The following THSD7B variants were observed in gnomAD, a reference collection of about 807,000 sequenced individuals.
THSD7B encodes thrombospondin type-1 domain-containing protein 7B.
In THSD7B, 138 loss-of-function variants were observed where a neutral mutation model predicts 213.6. The ratio of observed to expected loss-of-function variants is 0.65; its 90% CI spans 0.56 to 0.74. THSD7B has a LOEUF of 0.74. Among genes scored for constraint, THSD7B ranks in the 30% least tolerant of loss-of-function variants. The pLI is 0.00. For missense variants in THSD7B, 1,931 were observed against 1,991.5 expected (o/e 0.97, Z 0.58); for synonymous variants, 742 against 687.0 (o/e 1.08, Z -1.25).
At chr2:137,134,434 G>GGGTAC (rs1688795021) in intron 5 of THSD7B, among the ~76,000 whole-genome samples, 1 of 152,144 alleles carries the variant, frequency 6.6e-6, no homozygotes, top group African/African-American at 2.4e-5. Context: ...GGGACGAAAG[G>GGGTAC]GGTACTCTGT....
intron 2 of THSD7B, among the ~76,000 whole-genome samples, chr2:136,940,420 C>T (rs1684800838): frequency 6.6e-6 from 1 of 151,986 alleles, no homozygotes; most frequent in Non-Finnish European, 1.5e-5. Flanking sequence ...TGTTGATGGA[C>T]CCTAAGCTCT....
chr2:136,828,251 A>G (rs1297807332), intron 1 of THSD7B, among the ~76,000 whole-genome samples: 1 of 152,034 alleles, frequency 6.6e-6, no homozygotes, highest in Non-Finnish European at 1.5e-5. Flanking sequence ...AGCCTTTTCT[A>G]TGTTTCTTTC....
At chr2:137,097,117 T>C (rs1326069654) in intron 4 of THSD7B, among the ~76,000 whole-genome samples, 2 of 152,218 alleles carry the variant, frequency 1.3e-5, no homozygotes, top group Non-Finnish European at 2.9e-5. Context: ...CTGGGTTTCA[T>C]GATGACCTTG....
chr2:137,350,291 A>G (rs1007281279), intron 12 of THSD7B, among the ~76,000 whole-genome samples: 1 of 151,964 alleles, frequency 6.6e-6, no homozygotes, highest in Non-Finnish European at 1.5e-5. Flanking sequence ...AAATATATTA[A>G]TAATTGAGCC....
chr2:137,464,698 T>G (rs1181251817), intron 15 of THSD7B, among the ~76,000 whole-genome samples: 1 of 152,140 alleles, frequency 6.6e-6, no homozygotes, highest in Non-Finnish European at 1.5e-5. Flanking sequence ...GAAAAGTTGC[T>G]ATTAGTATTA....
chr2:136,837,791 T>C (rs1185094486), intron 1 of THSD7B, among the ~76,000 whole-genome samples: 1 of 152,206 alleles, frequency 6.6e-6, no homozygotes, highest in Non-Finnish European at 1.5e-5. Context: ...TTTTCATCTT[T>C]GATGGTTTAA....
chr2:136,867,506 T>G (rs970771871), intron 1 of THSD7B, among the ~76,000 whole-genome samples: 2 of 152,192 alleles, frequency 1.3e-5, no homozygotes, highest in African/African-American at 4.8e-5. Context: ...TAAAATACTT[T>G]CCATAGTGAA....
At chr2:136,947,711 G>T (rs1357033109) in intron 2 of THSD7B, among the ~76,000 whole-genome samples, 1 of 152,190 alleles carries the variant, frequency 6.6e-6, no homozygotes. Context: ...ATTCTAAGGT[G>T]CATATAAAGT....
intron 9 of THSD7B, among the ~76,000 whole-genome samples, 187 bp downstream of exon 9, chr2:137,233,320 A>G (rs1158675965): frequency 6.6e-6 from 1 of 152,240 alleles, no homozygotes; most frequent in Non-Finnish European, 1.5e-5. Flanking sequence ...TATGATATAT[A>G]TCACTGGTGC....
At chr2:137,218,962 T>C (rs1459960534) in intron 7 of THSD7B, among the ~76,000 whole-genome samples, 1 of 137,884 alleles carries the variant, frequency 7.3e-6, no homozygotes, top group Non-Finnish European at 1.6e-5. Flanking sequence ...TTGTCATACT[T>C]TTTTTTCAAC....
intron 14 of THSD7B, among the ~76,000 whole-genome samples, chr2:137,430,394 G>A (rs956191951): frequency 6.6e-6 from 1 of 152,178 alleles, no homozygotes; most frequent in Non-Finnish European, 1.5e-5. Flanking sequence ...TGTCCTCTGA[G>A]AAATAGCTTC....
intron 12 of THSD7B, among the ~76,000 whole-genome samples, chr2:137,326,742 T>TG (rs1684382983): frequency 6.6e-6 from 1 of 152,172 alleles, no homozygotes; most frequent in African/African-American, 2.4e-5. Flanking sequence ...TGAACAGTTT[T>TG]GGGGGACTTA....
At chr2:137,518,835 C>T (rs1680124156) in intron 15 of THSD7B, among the ~76,000 whole-genome samples, 1 of 152,178 alleles carries the variant, frequency 6.6e-6, no homozygotes, top group African/African-American at 2.4e-5. Context: ...CAGCATAAAC[C>T]AACACTGAGC....
intron 12 of THSD7B, among the ~76,000 whole-genome samples, chr2:137,303,487 A>G (rs563650242): frequency 3.3e-5 from 5 of 151,356 alleles, no homozygotes; most frequent in Non-Finnish European, 7.4e-5. Context: ...TTTTATTTTA[A>G]TAAACAGAAT....
intron 2 of THSD7B, among the ~76,000 whole-genome samples, chr2:136,951,756 G>A (rs1354501751): frequency 1.3e-5 from 2 of 152,220 alleles, no homozygotes; most frequent in East Asian, 3.8e-4. Context: ...CTAGTTGGTG[G>A]TTGGAAGAAA....
At position 137,106,338 on chromosome 2, in the gene THSD7B, G is replaced by T. The variant is rs180787255; in HGVS notation, c.1200-8786G>T. Among the ~76,000 whole-genome samples the T allele has an allele frequency of 6.3e-3, 964 of 152,268 alleles. 9 individuals carry two copies. Among genetic ancestry groups the T allele is most frequent in the African/African-American group, 0.022 (923 of 41,536 alleles). On this transcript the variant is annotated intron_variant, in intron 4 of 27. Transcript: ENST00000409968. ...TAAATGGTGTTGGGAAAACTGGCTA[G>T]CCATATGCAGAAAACTGAAACTGGA... is the stretch of plus-strand genomic sequence containing the variant.
intron 1 of THSD7B, among the ~76,000 whole-genome samples, chr2:136,862,149 C>T (rs1325360698): frequency 6.6e-6 from 1 of 152,134 alleles, no homozygotes; most frequent in Non-Finnish European, 1.5e-5. Flanking sequence ...CACAATTTCC[C>T]ATTAGGGGTG....
At chr2:137,213,977 G>T (rs1407940928) in intron 7 of THSD7B, among the ~76,000 whole-genome samples, 1 of 152,050 alleles carries the variant, frequency 6.6e-6, no homozygotes, top group Non-Finnish European at 1.5e-5. Context: ...ACGTTCAGAA[G>T]CCATGAAGCC....
At chr2:137,358,465 A>G (rs1685182549) in intron 12 of THSD7B, among the ~76,000 whole-genome samples, 1 of 152,214 alleles carries the variant, frequency 6.6e-6, no homozygotes, top group Admixed American at 6.5e-5. Flanking sequence ...ACCTACTCAG[A>G]GGACCGAAAA....
Sources: allele counts gnomAD v4.1 joint callset (sites outside exome capture counted in the v4.1 genomes callset), GRCh38; gene constraint gnomAD v4.1.1; transcripts MANE v1.5; gene names NCBI Gene and HGNC (gene_info 2026-07-23, HGNC 2026-07-21).